Variants in LRRC4C observed in about 807,000 individuals in gnomAD.
The protein encoded by LRRC4C is leucine rich repeat containing 4C.
In LRRC4C, 5 loss-of-function variants were observed where a neutral mutation model predicts 33.6. The observed-to-expected ratio is 0.15, with a 90% CI of 0.08 to 0.31. The LOEUF is 0.31. LRRC4C is among the 10% of genes least tolerant of loss of function. LRRC4C has a pLI of 1.00. For missense variants in LRRC4C, 560 were observed against 796.7 expected (o/e 0.70, Z 3.58); for synonymous variants, 329 against 302.0 (o/e 1.09, Z -0.93).
chr11:40,761,727 T>C (rs958878987), intron 2 of LRRC4C, among the ~76,000 whole-genome samples: 4 of 152,248 alleles, frequency 2.6e-5, no homozygotes, highest in African/African-American at 9.6e-5. Context: ...ACCTTTTCAA[T>C]GTATGATAAA....
chr11:41,093,674 G>T (rs1398613182), intron 1 of LRRC4C, among the ~76,000 whole-genome samples: 1 of 151,814 alleles, frequency 6.6e-6, no homozygotes, highest in African/African-American at 2.4e-5. Flanking sequence ...ACCTCTTACT[G>T]GGTTCCCCAT....
intron 4 of LRRC4C, among the ~76,000 whole-genome samples, chr11:40,314,906 G>A (rs1055043897): frequency 1.3e-5 from 2 of 151,954 alleles, no homozygotes; most frequent in African/African-American, 2.4e-5. Context: ...GGAAGTGTAG[G>A]GGAAAGGGAG....
intron 3 of LRRC4C, among the ~76,000 whole-genome samples, chr11:40,492,093 G>C (rs893886241): frequency 1.3e-5 from 2 of 152,140 alleles, no homozygotes; most frequent in African/African-American, 4.8e-5. Context: ...AGAGAGTTCA[G>C]ATACAAAATA....
intron 1 of LRRC4C, among the ~76,000 whole-genome samples, chr11:41,350,766 C>T (rs1412652548): frequency 2.0e-5 from 3 of 152,084 alleles, no homozygotes; most frequent in Non-Finnish European, 4.4e-5. Flanking sequence ...CATCAGAAGA[C>T]AAAATGACCA....
At chr11:40,679,088 G>C (rs1457589374) in intron 2 of LRRC4C, among the ~76,000 whole-genome samples, 1 of 152,116 alleles carries the variant, frequency 6.6e-6, no homozygotes, top group African/African-American at 2.4e-5. Flanking sequence ...GAACTTGTTG[G>C]GAACTAGAGC....
At chr11:40,442,152 G>T (rs1455175958) in intron 3 of LRRC4C, among the ~76,000 whole-genome samples, 1 of 95,450 alleles carries the variant, frequency 1.0e-5, no homozygotes, top group Non-Finnish European at 1.8e-5. Context: ...GACAGAGCCA[G>T]ACTCCATTTC....
intron 1 of LRRC4C, among the ~76,000 whole-genome samples, chr11:41,135,276 A>G (rs1943207682): frequency 6.6e-6 from 1 of 152,168 alleles, no homozygotes; most frequent in South Asian, 2.1e-4. Flanking sequence ...AGGCTTCAGC[A>G]ATCAAGAATA....
At chr11:40,153,774 C>A (rs1035939815) in intron 5 of LRRC4C, among the ~76,000 whole-genome samples, 4 of 152,004 alleles carry the variant, frequency 2.6e-5, no homozygotes, top group African/African-American at 9.7e-5. Context: ...ATGAATAAAA[C>A]TTCCAAGAAG....
At chr11:41,134,382 G>A (rs1180609773) in intron 1 of LRRC4C, among the ~76,000 whole-genome samples, 4 of 152,132 alleles carry the variant, frequency 2.6e-5, no homozygotes, top group African/African-American at 9.7e-5. Context: ...AGGCACAGTG[G>A]CACACTCTGG....
At chr11:40,128,937 A>G (rs1856455189) in intron 6 of LRRC4C, among the ~76,000 whole-genome samples, 1 of 152,140 alleles carries the variant, frequency 6.6e-6, no homozygotes, top group African/African-American at 2.4e-5. Context: ...CATAGCACAT[A>G]TCACTATTTG....
chr11:40,346,829 G>A (rs1277037549), intron 3 of LRRC4C, among the ~76,000 whole-genome samples: 1 of 152,168 alleles, frequency 6.6e-6, no homozygotes. Flanking sequence ...TTCCTGAGCA[G>A]ATTTCAACAA....
rs994591817 is a variant in LRRC4C, at chr11:40,965,684, T to C, written c.-495-31961A>G. 3.3e-4 allele frequency among the ~76,000 whole-genome samples: 50 copies of C among 152,260 alleles called. 1 individual carries two copies. Among genetic ancestry groups the C allele is most frequent in the Non-Finnish European group, 2.6e-4 (18 of 68,004 alleles). ...GTCAAAGATCAGATAGGTGTAGACA[T>C]ATGGCATTATTTATGAGGGTTCTGT... On this transcript the variant is annotated intron_variant, in intron 1 of 6. Transcript: ENST00000528697.
intron 4 of LRRC4C, among the ~76,000 whole-genome samples, chr11:40,254,491 C>A (rs1275592062): frequency 6.6e-6 from 1 of 152,178 alleles, no homozygotes; most frequent in Non-Finnish European, 1.5e-5. Flanking sequence ...CAAAAGATCA[C>A]AGATCAATGT....
chr11:41,328,978 C>T (rs115918337), intron 1 of LRRC4C, among the ~76,000 whole-genome samples: 177 of 152,258 alleles, frequency 1.2e-3, no homozygotes, highest in African/African-American at 3.9e-3. Flanking sequence ...GGTTTGCCTC[C>T]AAGCCCAAAT....
intron 1 of LRRC4C, among the ~76,000 whole-genome samples, chr11:41,320,635 A>G (rs1180866669): frequency 6.6e-6 from 1 of 152,182 alleles, no homozygotes; most frequent in Admixed American, 6.5e-5. Context: ...CTAGTTTTCT[A>G]TTGCTGCATA....
At chr11:40,706,036 C>A (rs1946153501) in intron 2 of LRRC4C, among the ~76,000 whole-genome samples, 1 of 152,076 alleles carries the variant, frequency 6.6e-6, no homozygotes, top group South Asian at 2.1e-4. Flanking sequence ...ATCCTTTGCC[C>A]ACATTTCCAT....
At chr11:40,670,681 T>C (rs1944045375) in intron 2 of LRRC4C, among the ~76,000 whole-genome samples, 1 of 152,222 alleles carries the variant, frequency 6.6e-6, no homozygotes, top group East Asian at 1.9e-4. Flanking sequence ...ATTAGTCAGT[T>C]TGGCCACTTA....
chr11:40,791,100 A>G (rs1010880262), intron 2 of LRRC4C, among the ~76,000 whole-genome samples: 2 of 152,154 alleles, frequency 1.3e-5, no homozygotes, highest in Non-Finnish European at 2.9e-5. Context: ...GATAAGGATT[A>G]TTTAAAGCTC....
chr11:40,703,513 A>T (rs1458073251), intron 2 of LRRC4C, among the ~76,000 whole-genome samples: 1 of 152,170 alleles, frequency 6.6e-6, no homozygotes, highest in Non-Finnish European at 1.5e-5. Flanking sequence ...CTGGAGGTTG[A>T]TGGCAGCACT....
Sources: gnomAD v4.1 joint callset for allele counts (sites outside exome capture counted in the v4.1 genomes callset) on GRCh38, gnomAD v4.1.1 for gene constraint, MANE v1.5 for transcripts, NCBI Gene and HGNC (gene_info 2026-07-23, HGNC 2026-07-21) for gene names.